GSG1L: variants seen among roughly 807,000 people sequenced by gnomAD.
The protein encoded by GSG1L is GSG1 like.
GSG1L carries 24 observed loss-of-function variants against 42.1 expected under a neutral mutation model. The observed-to-expected ratio is 0.57, with a 90% confidence interval of 0.41 to 0.80. The LOEUF (loss-of-function observed/expected upper bound fraction) is 0.80, where lower values mean the gene tolerates loss of function less well. GSG1L is among the 30% of genes least tolerant of loss of function. The pLI is 0.00. For missense variants in GSG1L, 445 were observed against 472.2 expected (o/e 0.94, Z 0.53); for synonymous variants, 215 against 203.5 (o/e 1.06, Z -0.48).
rs1164229293 is a variant in GSG1L at position 27,865,580 on chromosome 16, C to T, written c.550+18906G>A. 5.6e-4 allele frequency among the ~76,000 whole-genome samples: 58 copies of T among 104,476 alleles called. 2 individuals carry two copies. Among genetic ancestry groups the T allele is most frequent in the African/African-American group, 2.2e-3 (52 of 23,740 alleles). 68.5% of individuals were successfully genotyped at this position (104,476 alleles called of 152,430 possible). On this transcript the variant is annotated intron_variant, in intron 3 of 6. Transcript: ENST00000447459. ...ATATATATATATATATATACACACACACATACATACATACACACACATATA... is the reference window on the plus strand; with the variant it reads ...ATATATATATATATATATACACACATACATACATACATACACACACATATA...
intron 4 of GSG1L, among the ~76,000 whole-genome samples, chr16:27,832,637 T>C (rs1472036813): frequency 6.6e-6 from 1 of 152,244 alleles, no homozygotes; most frequent in East Asian, 1.9e-4. Context: ...GGTGTCACTA[T>C]TTTTTATTTT....
intron 1 of GSG1L, among the ~76,000 whole-genome samples, chr16:27,997,138 T>A (rs911690516): frequency 6.6e-6 from 1 of 151,874 alleles, no homozygotes; most frequent in African/African-American, 2.4e-5. Flanking sequence ...CCCAGCCACA[T>A]CCCCTAGAGG....
At chr16:27,950,175 AG>A (rs1005890127) in intron 2 of GSG1L, among the ~76,000 whole-genome samples, 17 of 152,314 alleles carry the variant, frequency 1.1e-4, no homozygotes, top group African/African-American at 4.1e-4. Context: ...CTCATAGCAA[AG>A]CATGCTAAGA....
chr16:28,020,613 C>T (rs991907629), intron 1 of GSG1L, among the ~76,000 whole-genome samples: 1 of 152,168 alleles, frequency 6.6e-6, no homozygotes, highest in Non-Finnish European at 1.5e-5. Context: ...GGTCTGCCTG[C>T]CCTTTTGCCG....
At chr16:27,941,939 G>T (rs540213043) in intron 2 of GSG1L, among the ~76,000 whole-genome samples, 1 of 152,242 alleles carries the variant, frequency 6.6e-6, no homozygotes, top group East Asian at 1.9e-4. Context: ...ATTGCCAGAG[G>T]CTGGAAGGAG....
intron 3 of GSG1L, among the ~76,000 whole-genome samples, chr16:27,857,080 G>T (rs183809126): frequency 3.0e-4 from 46 of 152,284 alleles, no homozygotes; most frequent in African/African-American, 1.1e-3. Context: ...GAAAGACAAA[G>T]ATCCCTAAAT....
chr16:28,049,699 AAAG>A (rs1247927784), intron 1 of GSG1L, among the ~76,000 whole-genome samples: 13 of 151,788 alleles, frequency 8.6e-5, no homozygotes, highest in Non-Finnish European at 1.2e-4. Flanking sequence ...AAAAAAAAAA[AAAG>A]AAGAAGAAGT....
rs547763970 is a variant in GSG1L at position 27,882,278 on chromosome 16, T to C, written c.550+2208A>G. Among the ~76,000 whole-genome samples the C allele has an allele frequency of 3.2e-4, 49 of 152,300 alleles. 1 individual carries two copies. The highest frequency in any genetic ancestry group is 5.6e-4 in the Non-Finnish European group (38 of 68,034). On this transcript the variant is annotated intron_variant, in intron 3 of 6. Coordinates refer to ENST00000447459, the MANE Select transcript of GSG1L (RefSeq NM_001109763.2). ...CATGATTGTGAGGCCTCCCCAGCCA[T>C]GTGGATCTGTGAGTCCATTAAACTT...
At chr16:27,906,199 A>G (rs2141047097) in intron 2 of GSG1L, among the ~76,000 whole-genome samples, 1 of 152,324 alleles carries the variant, frequency 6.6e-6, no homozygotes, top group South Asian at 2.1e-4. Flanking sequence ...TTAAAATCCT[A>G]TGGAAAAATT....
At chr16:28,016,570 AC>A (rs2085783257) in intron 1 of GSG1L, among the ~76,000 whole-genome samples, 2 of 152,142 alleles carry the variant, frequency 1.3e-5, no homozygotes, top group Admixed American at 1.3e-4. Context: ...TTATTAGCCC[AC>A]GACTTTACAG....
chr16:27,875,048 G>A (rs182766879), intron 3 of GSG1L, among the ~76,000 whole-genome samples: 23 of 152,248 alleles, frequency 1.5e-4, no homozygotes, highest in Admixed American at 1.4e-3. Flanking sequence ...GACTTTCTGT[G>A]GCAGACATTG....
intron 1 of GSG1L, among the ~76,000 whole-genome samples, chr16:27,989,006 T>C (rs1166256293): frequency 6.7e-6 from 1 of 148,440 alleles, no homozygotes; most frequent in African/African-American, 2.5e-5. Flanking sequence ...TGAGCCGAGA[T>C]TGTGCTGCTG....
intron 1 of GSG1L, among the ~76,000 whole-genome samples, chr16:28,049,140 A>C (rs2086195590): frequency 6.6e-6 from 1 of 152,210 alleles, no homozygotes; most frequent in Non-Finnish European, 1.5e-5. Flanking sequence ...AGCAAGACAA[A>C]GCCATTAGAA....
intron 1 of GSG1L, among the ~76,000 whole-genome samples, chr16:28,058,777 C>T (rs1183154091): frequency 2.0e-5 from 3 of 152,168 alleles, no homozygotes; most frequent in African/African-American, 7.2e-5. Flanking sequence ...GGGGACATCA[C>T]AGGGGTCCTC....
intron 1 of GSG1L, among the ~76,000 whole-genome samples, chr16:28,037,876 C>T (rs2086058890): frequency 6.6e-6 from 1 of 152,198 alleles, no homozygotes; most frequent in Non-Finnish European, 1.5e-5. Context: ...CCTCCAGCCT[C>T]TCCCCACCTC....
intron 1 of GSG1L, among the ~76,000 whole-genome samples, chr16:27,991,030 G>A (rs185073881): frequency 3.3e-5 from 5 of 152,282 alleles, no homozygotes; most frequent in African/African-American, 7.2e-5. Flanking sequence ...GCAAATAATC[G>A]GGCCAAGTAC....
At chr16:27,801,429 T>G (rs991737779) in intron 6 of GSG1L, among the ~76,000 whole-genome samples, 1 of 152,212 alleles carries the variant, frequency 6.6e-6, no homozygotes, top group Non-Finnish European at 1.5e-5. Context: ...TGTTTAATAA[T>G]GCCGGCTCCC....
intron 1 of GSG1L, 123 bp from the exon 2 acceptor site, chr16:27,963,326 T>C (rs2141108218): frequency 2.5e-6 from 2 of 809,796 alleles, no homozygotes; most frequent in African/African-American, 1.7e-5. Context: ...CAGTGACATC[T>C]TTCTCCAACC....
At position 27,957,882 on chromosome 16, in the gene GSG1L, T is replaced by C. The variant is rs540659129; in HGVS notation, c.397+5274A>G. ...ATGTAGAGGAAGCAGGCATGTCACA[T>C]GGCAAGAGAGAGAGTGAGAAAGAGA... On this transcript the variant is annotated intron_variant, in intron 2 of 6. Transcript: ENST00000447459. Among the ~76,000 whole-genome samples the C allele has an allele frequency of 1.1e-3, 160 of 152,198 alleles. 3 individuals are homozygous for C. The highest frequency in any genetic ancestry group is 3.5e-3 in the Admixed American group (54 of 15,290).
Sources: allele counts gnomAD v4.1 joint callset (sites outside exome capture counted in the v4.1 genomes callset), GRCh38; gene constraint gnomAD v4.1.1; transcripts MANE v1.5; gene names NCBI Gene and HGNC (gene_info 2026-07-23, HGNC 2026-07-21).